CAMTA1: variants seen among roughly 807,000 people sequenced by gnomAD.
CAMTA1 encodes the protein calmodulin-binding transcription activator 1.
A neutral mutation model predicts 170.9 loss-of-function variants in CAMTA1; 27 were observed. The ratio of observed to expected loss-of-function variants is 0.16; its 90% CI spans 0.12 to 0.22. The LOEUF is 0.22. Among genes scored for constraint, CAMTA1 ranks in the 10% least tolerant of loss-of-function variants. The pLI is 1.00. For synonymous variants in CAMTA1, 833 were observed against 891.5 expected (o/e 0.93, Z 1.17); for missense variants, 1,619 against 2,217.2 (o/e 0.73, Z 5.42).
At chr1:7,310,618 TTC>T (rs1177823193) in intron 5 of CAMTA1, among the ~76,000 whole-genome samples, 2 of 3,734 alleles carry the variant, frequency 5.4e-4, no homozygotes, top group African/African-American at 1.3e-3. Flanking sequence ...CTTTCTTTCT[TTC>T]TTTCTTTCTT....
intron 4 of CAMTA1, among the ~76,000 whole-genome samples, chr1:7,100,791 T>C (rs1387451659): frequency 6.6e-6 from 1 of 152,232 alleles, no homozygotes; most frequent in Non-Finnish European, 1.5e-5. Context: ...TTCAGGGATC[T>C]TGGGGACGGC....
At chr1:6,877,258 T>G (rs1670180554) in intron 3 of CAMTA1, among the ~76,000 whole-genome samples, 1 of 152,236 alleles carries the variant, frequency 6.6e-6, no homozygotes, top group African/African-American at 2.4e-5. Context: ...AGCGGCAGAC[T>G]TCCTCACTGT....
intron 3 of CAMTA1, among the ~76,000 whole-genome samples, chr1:7,037,991 A>G (rs951578509): frequency 6.6e-6 from 1 of 151,176 alleles, no homozygotes; most frequent in African/African-American, 2.4e-5. Context: ...GCTATTTTCC[A>G]GCTGTAAGAC....
chr1:6,798,613 G>A (rs1344093320), intron 1 of CAMTA1, among the ~76,000 whole-genome samples: 2 of 112,298 alleles, frequency 1.8e-5, no homozygotes, highest in African/African-American at 3.6e-5. Flanking sequence ...TTTTTGAGAC[G>A]GAGTCTCGCT....
chr1:7,590,651 A>G (rs72643932), intron 6 of CAMTA1, among the ~76,000 whole-genome samples: 16,665 of 152,232 alleles, frequency 0.11, 1,026 homozygotes, highest in South Asian at 0.18. Flanking sequence ...TCCACCAGAC[A>G]GCGCTAATTT....
intron 5 of CAMTA1, among the ~76,000 whole-genome samples, chr1:7,270,293 T>G (rs201071381): frequency 1.3e-5 from 1 of 76,466 alleles, no homozygotes; most frequent in Non-Finnish European, 2.9e-5. Flanking sequence ...ATATATATAT[T>G]TTTTTTTTTT....
At chr1:7,499,266 TAG>T (rs540915531) in intron 6 of CAMTA1, among the ~76,000 whole-genome samples, 1,628 of 115,068 alleles carry the variant, frequency 0.014, 98 homozygotes, top group Non-Finnish European at 0.019. Flanking sequence ...AGTGAGTGTG[TAG>T]AGAGGATGGT....
intron 5 of CAMTA1, among the ~76,000 whole-genome samples, chr1:7,351,577 G>A (rs555809833): frequency 3.3e-5 from 5 of 152,342 alleles, no homozygotes; most frequent in African/African-American, 7.2e-5. Context: ...CCAAGGCTGC[G>A]CTCTGAGTCC....
chr1:7,279,594 A>G (rs762872864), intron 5 of CAMTA1, among the ~76,000 whole-genome samples: 2 of 152,166 alleles, frequency 1.3e-5, no homozygotes, highest in East Asian at 3.9e-4. Context: ...TCAGAACACC[A>G]TAAACAAAAT....
chr1:7,333,745 C>T lies in CAMTA1; in HGVS notation c.438+84119C>T, dbSNP rs921028089. Among the ~76,000 whole-genome samples the T allele has an allele frequency of 2.6e-5, 4 of 152,192 alleles. No individual in the cohort carries two copies. Among genetic ancestry groups the T allele is most frequent in the East Asian group, 1.9e-4 (1 of 5,190 alleles). On this transcript the variant is annotated intron_variant, in intron 5 of 22. Transcript: ENST00000303635. The surrounding 1 kb of genome is among the most constrained non-coding windows in gnomAD (Gnocchi z 4.4). ...TGGAGCCTGGTGTATTTACATACCACGGACTAGGTTTAAAAATCAACTTTA... is the reference window on the plus strand; with the variant it reads ...TGGAGCCTGGTGTATTTACATACCATGGACTAGGTTTAAAAATCAACTTTA...
intron 11 of CAMTA1, among the ~76,000 whole-genome samples, chr1:7,707,172 C>T (rs1464691377): frequency 6.6e-6 from 1 of 152,142 alleles, no homozygotes; most frequent in African/African-American, 2.4e-5. Context: ...GCGTGAGCCA[C>T]CGTGCCTGGC....
At chr1:7,403,579 G>A (rs1429234755) in intron 5 of CAMTA1, among the ~76,000 whole-genome samples, 1 of 152,126 alleles carries the variant, frequency 6.6e-6, no homozygotes, top group African/African-American at 2.4e-5. Context: ...AGGGGAAGAG[G>A]CACAGGGACA....
intron 4 of CAMTA1, among the ~76,000 whole-genome samples, chr1:7,179,610 C>A (rs1470026883): frequency 6.6e-6 from 1 of 151,996 alleles, no homozygotes; most frequent in East Asian, 1.9e-4. Context: ...ATGAAAATAC[C>A]CTATCATCTG....
In CAMTA1 at chr1:7,523,862, G is replaced by A. The variant is rs375812836; in HGVS notation, c.510+55961G>A. On this transcript the variant is annotated intron_variant, in intron 6 of 22. Coordinates refer to ENST00000303635, the MANE Select transcript of CAMTA1 (RefSeq NM_015215.4). ...CGCACCACTGCACTCCAGCCTGGAC[G>A]ACAGAGTGAGACTCTATCTCGAAAA... Among the ~76,000 whole-genome samples, 27 of 148,734 alleles carry A rather than the reference G, an allele frequency of 1.8e-4. 1 individual carries two copies. Among genetic ancestry groups the A allele is most frequent in the Admixed American group, 7.4e-4 (11 of 14,782 alleles).
intron 3 of CAMTA1, among the ~76,000 whole-genome samples, chr1:6,942,546 C>T (rs149508381): frequency 1.3e-5 from 2 of 152,236 alleles, no homozygotes; most frequent in African/African-American, 4.8e-5. Context: ...ATAATCCCAG[C>T]TACTTGGGAG....
intron 5 of CAMTA1, among the ~76,000 whole-genome samples, chr1:7,427,689 A>G (rs9661064): frequency 0.26 from 39,568 of 152,076 alleles, 6,115 homozygotes; most frequent in East Asian, 0.53. Context: ...ATGGGAAATT[A>G]AATGTCAATT....
intron 4 of CAMTA1, among the ~76,000 whole-genome samples, chr1:7,106,754 G>GGT (rs1643629038): frequency 2.6e-5 from 4 of 152,018 alleles, no homozygotes; most frequent in African/African-American, 9.7e-5. Context: ...CTTCATTTCA[G>GGT]AGGAGAGCAT....
intron 4 of CAMTA1, among the ~76,000 whole-genome samples, chr1:7,179,468 A>G (rs1651649138): frequency 6.6e-6 from 1 of 152,240 alleles, no homozygotes; most frequent in African/African-American, 2.4e-5. Flanking sequence ...CTTCTCAGGT[A>G]TACATGGAGC....
At chr1:7,440,187 T>C (rs1157027642) in intron 5 of CAMTA1, among the ~76,000 whole-genome samples, 1 of 152,272 alleles carries the variant, frequency 6.6e-6, no homozygotes, top group African/African-American at 2.4e-5. Context: ...CTGTGCCCAC[T>C]ACCTGGTGGG....
Sources: allele counts gnomAD v4.1 joint callset (sites outside exome capture counted in the v4.1 genomes callset), GRCh38; gene constraint gnomAD v4.1.1; non-coding constraint Gnocchi (gnomAD v3.1); transcripts MANE v1.5; gene names NCBI Gene and HGNC (gene_info 2026-07-23, HGNC 2026-07-21).